The following TLE5 variants were observed in gnomAD, a reference collection of about 807,000 sequenced individuals.
TLE5 encodes TLE family member 5.
In TLE5, 7 loss-of-function variants were observed where a neutral mutation model predicts 25.8. That is an observed-to-expected ratio of 0.27 (90% CI 0.15 to 0.51). The LOEUF is 0.51. TLE5 is among the 20% of genes least tolerant of loss of function. The pLI is 0.97. For missense variants in TLE5, 149 were observed against 250.7 expected (o/e 0.59, Z 2.74); for synonymous variants, 132 against 110.5 (o/e 1.20, Z -1.22).
intron 4 of TLE5, 157 bp from the exon 5 acceptor site, chr19:3,055,883 GC>G (rs1599269112): frequency 1.4e-6 from 1 of 722,330 alleles, no homozygotes. Flanking sequence ...CCGTGTTCGG[GC>G]CCGAGGGCAG....
intron 3 of TLE5, 52 bp from the exon 4 acceptor site, chr19:3,056,408 G>T (rs774586861): frequency 2.9e-5 from 12 of 417,562 alleles, no homozygotes; most frequent in Non-Finnish European, 4.1e-5. Context: ...GGAAGGATGG[G>T]GGGACACGGA....
chr19:3,057,630 G>A, intron 3 of TLE5, 49 bp downstream of exon 3: 1 of 1,572,274 alleles, frequency 6.4e-7, no homozygotes, highest in East Asian at 2.2e-5. Flanking sequence ...GATGTGGAGG[G>A]CCCTGTCGCC....
chr19:3,062,925 C>T (rs1271926119), upstream of TLE5: 1 of 996,662 alleles, frequency 1.0e-6, no homozygotes, highest in Admixed American at 2.1e-5. Context: ...TCTTGTGACA[C>T]ATTTATAGAA....
intron 4 of TLE5, chr19:3,055,984 C>A: frequency 1.9e-6 from 1 of 524,536 alleles, no homozygotes; most frequent in South Asian, 2.8e-5. Flanking sequence ...CTGCACATTC[C>A]TCGGGGGTCG....
At chr19:3,056,500 G>C in intron 3 of TLE5, 144 bp from the exon 4 acceptor site, 15 of 580,884 alleles carry the variant, frequency 2.6e-5, no homozygotes, top group Admixed American at 2.6e-5. Context: ...GAAAGGAGAG[G>C]CAGGTGGGAG....
Position 3,062,315 on chromosome 19 carries a change from C to T in TLE5, c.-115G>A, listed in dbSNP as rs960830758. On this transcript the variant is annotated 5_prime_UTR_variant, in exon 1 of 7. Transcript: ENST00000327141. ...GGCGCCGATCGGCAGCTCCCGGGGCCGCCGCCGCCTCCCGCGCCCGGCCTC... is the reference window on the plus strand; with the variant it reads ...GGCGCCGATCGGCAGCTCCCGGGGCTGCCGCCGCCTCCCGCGCCCGGCCTC... 15 of 979,026 alleles carry T rather than the reference C, an allele frequency of 1.5e-5. No homozygotes were observed. The African/African-American group carries it at 2.1e-4, about 14-fold the overall frequency. 60.6% of individuals were successfully genotyped at this position (979,026 alleles called of 1,614,324 possible). A position where few individuals can be genotyped will look rare whatever the true frequency, so the allele number is the denominator to read the frequency against.
upstream of TLE5, chr19:3,062,895 G>T (rs557031661): frequency 1.6e-6 from 2 of 1,250,796 alleles, no homozygotes; most frequent in South Asian, 1.3e-5. Flanking sequence ...CGGTAATGCC[G>T]CCTTCCTGAG....
At chr19:3,056,400 A>C in intron 3 of TLE5, 44 bp from the exon 4 acceptor site, 4 of 303,116 alleles carry the variant, frequency 1.3e-5, no homozygotes, top group Admixed American at 5.6e-5. Flanking sequence ...GGGGGTGGGG[A>C]AGGATGGGGG....
In TLE5 at chr19:3,053,625, G is replaced by A; in HGVS notation, c.*194C>T. On this transcript the variant is annotated 3_prime_UTR_variant, in exon 7 of 7. Transcript: ENST00000327141. ...CAGGCTGCAGGGGAGGAGGAGGGAAGCCGGGAATGGGGTAGGAAGAAAGCT... is the reference window on the plus strand; with the variant it reads ...CAGGCTGCAGGGGAGGAGGAGGGAAACCGGGAATGGGGTAGGAAGAAAGCT... 1.6e-6 allele frequency: 1 copy of A among 627,172 alleles called. No individual in the cohort carries two copies. Among genetic ancestry groups the A allele is most frequent in the Non-Finnish European group, 2.8e-6 (1 of 362,660 alleles). 38.9% of individuals were successfully genotyped at this position (627,172 alleles called of 1,614,324 possible).
At position 3,054,181 on chromosome 19, in the gene TLE5, A is replaced by G. The variant is rs2090198842; in HGVS notation, c.311T>C (p.Val104Ala). 5.6e-6 allele frequency: 9 copies of G among 1,607,662 alleles called. No homozygotes were observed. The highest frequency in any genetic ancestry group is 7.6e-6 in the Non-Finnish European group (9 of 1,178,950). The change falls in exon 6 of 7, where the codon GTC (valine) becomes GCC (alanine). Residue 104 changes from valine to alanine, a missense_variant. Transcript: ENST00000327141. ...CTTGGCCCTCTCAATGGCTCCCAAGACCTGCTGCTGGTGCTGGAAGGGGGT... is the reference window on the plus strand; with the variant it reads ...CTTGGCCCTCTCAATGGCTCCCAAGGCCTGCTGCTGGTGCTGGAAGGGGGT... ...PYLSQEHQQQ[V>A]LGAIERAKQV...
At chr19:3,056,125 A>C (rs1441162186) in intron 4 of TLE5, 187 bp downstream of exon 4, 2 of 416,762 alleles carry the variant, frequency 4.8e-6, no homozygotes, top group Non-Finnish European at 8.2e-6. Flanking sequence ...CCTGAAAAAG[A>C]GGCGGGGCGG....
chr19:3,061,411 G>T lies in TLE5; in HGVS notation c.28-154C>A, dbSNP rs1416815652. On this transcript the variant is annotated intron_variant, in intron 1 of 6. Coordinates refer to ENST00000327141, the MANE Select transcript of TLE5 (RefSeq NM_001130.6). The stretch of plus-strand genomic sequence containing the variant: ...CGGCCCCTGGCGCGACCCCACCCGC[G>T]CTTCCTGCCCCCCGCCTCTCCCGGG... 3 of 484,452 alleles carry T rather than the reference G, an allele frequency of 6.2e-6. 1 individual carries two copies. The highest frequency in any genetic ancestry group is 7.5e-5 in the Admixed American group (2 of 26,588). 30.0% of individuals were successfully genotyped at this position (484,452 alleles called of 1,614,324 possible). A position where few individuals can be genotyped will look rare whatever the true frequency, so the allele number is the denominator to read the frequency against.
At chr19:3,059,159 A>G (rs1296693750) in intron 2 of TLE5, among the ~76,000 whole-genome samples, 1 of 152,146 alleles carries the variant, frequency 6.6e-6, no homozygotes, top group African/African-American at 2.4e-5. Flanking sequence ...TTTGGCCGCC[A>G]CCAATTTTTC....
chr19:3,054,252 G>C lies in TLE5; in HGVS notation c.298-58C>G. On this transcript the variant is annotated intron_variant, in intron 5 of 6. Coordinates refer to ENST00000327141, the MANE Select transcript of TLE5 (RefSeq NM_001130.6). The stretch of plus-strand genomic sequence containing the variant: ...GATTCCTCCTGATCCTGGGAGAGGA[G>C]AGGGGGACGGCCCTGAGGCCAGGAG... The C allele has an allele frequency of 3.2e-6, 5 of 1,544,684 alleles. No individual in the cohort carries two copies. The South Asian group carries it at 4.7e-5, about 14-fold the overall frequency.
intron 5 of TLE5, chr19:3,054,609 A>C (rs1471170716): frequency 1.6e-5 from 3 of 188,146 alleles, no homozygotes; most frequent in African/African-American, 4.7e-5. Context: ...GAGCTCCAAG[A>C]CTGTGCCCTG....
chr19:3,061,515 C>G (rs1379655058), intron 1 of TLE5: 1 of 287,420 alleles, frequency 3.5e-6, no homozygotes, highest in Non-Finnish European at 6.5e-6. Flanking sequence ...TTTTAAGGCC[C>G]GCCCTAGATG....
Position 3,053,976 on chromosome 19 carries a change from G to A in TLE5, c.437C>T (p.Pro146Leu). 1.2e-6 allele frequency: 2 copies of A among 1,610,248 alleles called. No individual in the cohort carries two copies. Among genetic ancestry groups the A allele is most frequent in the Non-Finnish European group, 1.7e-6 (2 of 1,178,952 alleles). Residue 146 changes from proline to leucine, a missense_variant, in exon 7 of 7, where the codon CCC becomes CTC. Transcript: ENST00000327141. ...CAGCGAAGGCGGCTGCAGCCCCACG[G>A]GTAGTGGGGTCAAGGGCAGGGCCAG... is the stretch of plus-strand genomic sequence containing the variant. ...QALALPLTPL[P>L]VGLQPPSLPA...
At chr19:3,056,290 G>GAGGAGGAGGAGA in intron 4 of TLE5, 22 bp downstream of exon 4, 1 of 1,498,404 alleles carries the variant, frequency 6.7e-7, no homozygotes, top group South Asian at 1.3e-5. Context: ...GGAGGAGGAG[G>GAGGAGGAGGAGA]AGGAGGAGGA....
chr19:3,060,338 T>C (rs1414136807), intron 2 of TLE5, among the ~76,000 whole-genome samples: 10 of 141,152 alleles, frequency 7.1e-5, no homozygotes, highest in African/African-American at 2.4e-4. Flanking sequence ...CTTTTTTTTT[T>C]TTTTTTTTTT....
Sources: allele counts gnomAD v4.1 joint callset (sites outside exome capture counted in the v4.1 genomes callset), GRCh38; gene constraint gnomAD v4.1.1; transcripts MANE v1.5; gene names NCBI Gene and HGNC (gene_info 2026-07-23, HGNC 2026-07-21).